PCYT1B: variants seen among roughly 807,000 people sequenced by gnomAD.
PCYT1B encodes phosphate cytidylyltransferase 1B, choline, also known as choline-phosphate cytidylyltransferase B.
In PCYT1B, 10 loss-of-function variants were observed where a neutral mutation model predicts 26.4. That is an observed-to-expected ratio of 0.38 (90% CI 0.23 to 0.64). The LOEUF is 0.64. PCYT1B is among the 30% of genes least tolerant of loss of function. PCYT1B has a pLI of 0.56. For synonymous variants in PCYT1B, 131 were observed against 108.4 expected (o/e 1.21, Z -1.29); for missense variants, 161 against 292.7 (o/e 0.55, Z 3.28).
At chrX:24,611,077 C>A (rs1010178818) in intron 2 of PCYT1B, among the ~76,000 whole-genome samples, 1 of 111,286 alleles carries the variant, frequency 9.0e-6, no homozygotes, top group Non-Finnish European at 1.9e-5. Context: ...AAAACCAGAG[C>A]TCTTATTTTT....
At position 24,561,711 on chromosome X, in the gene PCYT1B, G is replaced by A. The variant is rs1049536011; in HGVS notation, c.*582C>T. On this transcript the variant is annotated 3_prime_UTR_variant, in exon 8 of 8. Transcript: ENST00000379144. Reference sequence around the variant, plus strand: ...ACCTTTTATAACCAGCCTAAAGCAAGGCTTTGTCTATGAGCCACATTCATG... The same window carrying A: ...ACCTTTTATAACCAGCCTAAAGCAAAGCTTTGTCTATGAGCCACATTCATG... 3.2e-5 allele frequency: 6 copies of A among 189,582 alleles called. No homozygotes were observed. The highest frequency in any genetic ancestry group is 5.8e-5 in the Non-Finnish European group (6 of 102,952). The allele number at this position is 189,582 out of a possible 1,213,427, so 15.6% of individuals were successfully genotyped here. A position where few individuals can be genotyped will look rare whatever the true frequency, so the allele number is the denominator to read the frequency against.
intron 1 of PCYT1B, among the ~76,000 whole-genome samples, chrX:24,626,571 T>G (rs890972632): frequency 8.9e-6 from 1 of 112,337 alleles, no homozygotes; most frequent in Non-Finnish European, 1.9e-5. Flanking sequence ...AATTCAGAGA[T>G]GCAGAAAATT....
chrX:24,627,318 G>A (rs979937719), intron 1 of PCYT1B, among the ~76,000 whole-genome samples: 3 of 111,887 alleles, frequency 2.7e-5, no homozygotes, highest in African/African-American at 9.7e-5. Context: ...AGGGAGATGG[G>A]AGCCATCAGA....
intron 4 of PCYT1B, 68 bp from the exon 5 acceptor site, chrX:24,587,387 G>A (rs1924404124): frequency 1.4e-6 from 1 of 711,873 alleles, no homozygotes; most frequent in South Asian, 2.3e-5. Flanking sequence ...TTTGAAGGGG[G>A]GAATGGTGAC....
intron 1 of PCYT1B, among the ~76,000 whole-genome samples, chrX:24,671,294 T>G (rs1450223679): frequency 9.4e-6 from 1 of 106,667 alleles, no homozygotes; most frequent in African/African-American, 3.4e-5. Context: ...TTGATACTAC[T>G]TCAAATCTAA....
intron 1 of PCYT1B, 21 bp from the exon 2 acceptor site, chrX:24,619,105 G>T: frequency 9.2e-7 from 1 of 1,084,585 alleles, no homozygotes; most frequent in Non-Finnish European, 1.3e-6. Context: ...GAAAAAGAAA[G>T]GGAATACAGT....
At chrX:24,587,369 T>A in intron 4 of PCYT1B, 50 bp from the exon 5 acceptor site, 1 of 852,130 alleles carries the variant, frequency 1.2e-6, no homozygotes, top group African/African-American at 2.0e-5. Flanking sequence ...GATGTGCATG[T>A]CTGCAGATTT....
At chrX:24,583,904 A>G (rs1347254665) in intron 5 of PCYT1B, among the ~76,000 whole-genome samples, 1 of 112,352 alleles carries the variant, frequency 8.9e-6, no homozygotes, top group East Asian at 2.8e-4. Context: ...CTGAATCTGA[A>G]TCTGAATTTT....
At chrX:24,587,021 G>A (rs1345557064) in intron 5 of PCYT1B, among the ~76,000 whole-genome samples, 1 of 112,061 alleles carries the variant, frequency 8.9e-6, no homozygotes, top group Non-Finnish European at 1.9e-5. Context: ...TGAGCACTTT[G>A]GTGCTCAGGT....
At chrX:24,609,313 G>T (rs776423916) in intron 2 of PCYT1B, among the ~76,000 whole-genome samples, 6 of 111,457 alleles carry the variant, frequency 5.4e-5, no homozygotes, top group African/African-American at 2.0e-4. Flanking sequence ...TGGGATTACA[G>T]GCACTCAGCA....
chrX:24,575,590 A>G (rs1286254210), intron 6 of PCYT1B, among the ~76,000 whole-genome samples: 1 of 112,291 alleles, frequency 8.9e-6, no homozygotes, highest in East Asian at 2.8e-4. Context: ...AGTTGGATTC[A>G]CTTATATAAG....
chrX:24,634,210 C>T (rs1165150160), intron 1 of PCYT1B, among the ~76,000 whole-genome samples: 6 of 112,100 alleles, frequency 5.4e-5, no homozygotes, highest in South Asian at 7.4e-4. Context: ...TGAGCCATGA[C>T]GCCTGGCCTT....
intron 3 of PCYT1B, among the ~76,000 whole-genome samples, chrX:24,593,261 T>C (rs1183790623): frequency 9.0e-6 from 1 of 111,346 alleles, no homozygotes. Context: ...TACATATAGA[T>C]ACTCAAGAAA....
chrX:24,595,884 GAAAA>G (rs1180138372), intron 3 of PCYT1B, among the ~76,000 whole-genome samples: 1 of 56,006 alleles, frequency 1.8e-5, no homozygotes, highest in African/African-American at 5.3e-5. Context: ...CTGTCTCAAA[GAAAA>G]AAAAAAAAAA....
At chrX:24,661,281 CT>C (rs1419987739) in intron 1 of PCYT1B, among the ~76,000 whole-genome samples, 67 of 111,881 alleles carry the variant, frequency 6.0e-4, no homozygotes, top group African/African-American at 2.0e-3. Flanking sequence ...ATGATCAAGC[CT>C]TTATTTAACC....
At chrX:24,604,231 C>T (rs181137837) in intron 3 of PCYT1B, among the ~76,000 whole-genome samples, 59 of 109,781 alleles carry the variant, frequency 5.4e-4, no homozygotes, top group South Asian at 4.8e-3. Context: ...GGACTACAGG[C>T]GTGCAGCACC....
At chrX:24,587,465 T>G (rs748730527) in intron 4 of PCYT1B, 146 bp from the exon 5 acceptor site, 1 of 439,845 alleles carries the variant, frequency 2.3e-6, no homozygotes, top group East Asian at 3.8e-5. Context: ...AATCCTTGGC[T>G]GAAATGTATT....
chrX:24,573,019 C>T (rs748502549), intron 7 of PCYT1B, among the ~76,000 whole-genome samples: 45 of 107,495 alleles, frequency 4.2e-4, no homozygotes, highest in Non-Finnish European at 7.3e-4. Flanking sequence ...CACATATACA[C>T]ACACATACAC....
chrX:24,640,666 C>T (rs1415242768), intron 1 of PCYT1B, among the ~76,000 whole-genome samples: 2 of 111,303 alleles, frequency 1.8e-5, no homozygotes, highest in Admixed American at 1.9e-4. Flanking sequence ...CCATCCACTT[C>T]CTTCTCAGTC....
Sources: allele counts gnomAD v4.1 joint callset (sites outside exome capture counted in the v4.1 genomes callset), GRCh38; gene constraint gnomAD v4.1.1; transcripts MANE v1.5; gene names NCBI Gene and HGNC (gene_info 2026-07-23, HGNC 2026-07-21).